The following NAA11 variants were observed in gnomAD, a reference collection of about 807,000 sequenced individuals.
NAA11 encodes the protein N-alpha-acetyltransferase 11, NatA catalytic subunit.
In NAA11, 15 loss-of-function variants were observed where a neutral mutation model predicts 16.1. The ratio of observed to expected loss-of-function variants is 0.93; its 90% CI spans 0.62 to 1.44. The LOEUF is 1.44. Among genes scored for constraint, NAA11 ranks in the 40% most tolerant of loss-of-function variants. The probability of loss-of-function intolerance (pLI) is 0.00; values close to 1 mark genes in which losing one functional copy is unlikely to be tolerated. For synonymous variants in NAA11, 122 were observed against 112.4 expected (o/e 1.09, Z -0.54); for missense variants, 298 against 291.3 (o/e 1.02, Z -0.17).
intron 1 of NAA11, among the ~76,000 whole-genome samples, chr4:79,324,429 T>C (rs1724196041): frequency 6.6e-6 from 1 of 152,246 alleles, no homozygotes; most frequent in South Asian, 2.1e-4. Context: ...GTTTAATGTA[T>C]CTGTAAAGTT....
chr4:79,161,623 T>C, the NAA11 span, among the ~76,000 whole-genome samples: 4 of 152,172 alleles, frequency 2.6e-5, no homozygotes, highest in African/African-American at 9.6e-5. Flanking sequence ...TATTTCCATC[T>C]TAGCAATATT....
intron 1 of NAA11, among the ~76,000 whole-genome samples, chr4:79,321,375 G>T (rs1485704281): frequency 2.6e-5 from 4 of 152,142 alleles, no homozygotes; most frequent in African/African-American, 9.7e-5. Flanking sequence ...CAGTTAGTTG[G>T]GTAAGACTTG....
chr4:79,299,290 A>G (rs1003123593), intron 1 of NAA11: 6 of 152,242 alleles, frequency 3.9e-5, no homozygotes, highest in Non-Finnish European at 8.8e-5. Flanking sequence ...CCTAGTCTTC[A>G]TGATGCTTAT....
intron 1 of NAA11, among the ~76,000 whole-genome samples, chr4:79,322,911 A>G (rs1391089875): frequency 6.6e-6 from 1 of 152,178 alleles, no homozygotes; most frequent in Non-Finnish European, 1.5e-5. Context: ...AATTTTTATA[A>G]CATACTGAAC....
At chr4:79,274,980 AC>A in intron 2 of NAA11, among the ~76,000 whole-genome samples, 1 of 152,162 alleles carries the variant, frequency 6.6e-6, no homozygotes, top group Admixed American at 6.5e-5. Flanking sequence ...GGAAACTAGG[AC>A]CTATGAAGCA....
the NAA11 span, among the ~76,000 whole-genome samples, chr4:79,174,887 AT>A: frequency 6.6e-6 from 1 of 152,014 alleles, no homozygotes; most frequent in Non-Finnish European, 1.5e-5. Flanking sequence ...CTGTCTTCTC[AT>A]TTTTTTTCCT....
chr4:79,297,522 G>A (rs1319730395), intron 1 of NAA11, among the ~76,000 whole-genome samples: 3 of 152,242 alleles, frequency 2.0e-5, no homozygotes, highest in African/African-American at 7.2e-5. Flanking sequence ...AGGCTGGGCA[G>A]TGTCTGCTCC....
At chr4:79,277,975 C>T (rs1722701373) in intron 2 of NAA11, among the ~76,000 whole-genome samples, 1 of 151,974 alleles carries the variant, frequency 6.6e-6, no homozygotes, top group African/African-American at 2.4e-5. Context: ...CACTGTCTCA[C>T]CAGGTGTCCT....
At chr4:79,168,967 A>C in the NAA11 span, among the ~76,000 whole-genome samples, 1 of 152,198 alleles carries the variant, frequency 6.6e-6, no homozygotes, top group Non-Finnish European at 1.5e-5. Context: ...AATAATAGAC[A>C]AGCAGAGAGC....
the NAA11 span, among the ~76,000 whole-genome samples, chr4:79,198,673 A>G: frequency 6.6e-6 from 1 of 151,914 alleles, no homozygotes; most frequent in African/African-American, 2.4e-5. Context: ...CCAAATGATC[A>G]TGGGTCAATA....
At chr4:79,262,695 T>G (rs1449998934) in intron 2 of NAA11, among the ~76,000 whole-genome samples, 2 of 152,124 alleles carry the variant, frequency 1.3e-5, no homozygotes, top group Non-Finnish European at 2.9e-5. Flanking sequence ...TACTGCCTAA[T>G]TATGGACTTT....
At chr4:79,169,969 A>G in the NAA11 span, among the ~76,000 whole-genome samples, 2 of 152,222 alleles carry the variant, frequency 1.3e-5, no homozygotes, top group African/African-American at 4.8e-5. Context: ...AGAAATGGCC[A>G]TAGCAGTATT....
chr4:79,157,611 A>G, the NAA11 span, among the ~76,000 whole-genome samples: 1 of 151,966 alleles, frequency 6.6e-6, no homozygotes, highest in Non-Finnish European at 1.5e-5. Flanking sequence ...ACACACATAT[A>G]TATACACATA....
At chr4:79,160,392 A>G in the NAA11 span, among the ~76,000 whole-genome samples, 8 of 152,184 alleles carry the variant, frequency 5.3e-5, no homozygotes, top group South Asian at 2.1e-4. Flanking sequence ...ATATATTATT[A>G]AGAGTTGAGT....
the NAA11 span, among the ~76,000 whole-genome samples, chr4:79,185,299 G>A: frequency 6.6e-5 from 10 of 152,244 alleles, no homozygotes; most frequent in East Asian, 1.9e-3. Context: ...AACACACAAT[G>A]CCAAGACAGC....
chr4:79,207,883 T>A, the NAA11 span, among the ~76,000 whole-genome samples: 1 of 152,158 alleles, frequency 6.6e-6, no homozygotes, highest in African/African-American at 2.4e-5. Flanking sequence ...GTGGATGATA[T>A]CTTCAACATC....
chr4:79,246,918 G>A (rs1233183323), intron 2 of NAA11, among the ~76,000 whole-genome samples: 1 of 152,194 alleles, frequency 6.6e-6, no homozygotes, highest in Non-Finnish European at 1.5e-5. Flanking sequence ...CAGGGAGCTA[G>A]TGGCTCTTTG....
At chr4:79,295,148 C>T (rs1008296620) in intron 1 of NAA11, among the ~76,000 whole-genome samples, 1 of 152,194 alleles carries the variant, frequency 6.6e-6, no homozygotes, top group African/African-American at 2.4e-5. Context: ...AATACTGCTT[C>T]ACTGTAAAGC....
intron 2 of NAA11, among the ~76,000 whole-genome samples, chr4:79,276,309 G>A (rs1374064261): frequency 6.6e-6 from 1 of 152,124 alleles, no homozygotes; most frequent in East Asian, 1.9e-4. Context: ...TCAAAGACAT[G>A]TCTGTGCCAT....
Sources: gnomAD v4.1 joint callset for allele counts (sites outside exome capture counted in the v4.1 genomes callset) on GRCh38, gnomAD v4.1.1 for gene constraint, MANE v1.5 for transcripts, NCBI Gene and HGNC (gene_info 2026-07-23, HGNC 2026-07-21) for gene names.